Variants in BRD7 observed in about 807,000 individuals in gnomAD.
BRD7 encodes the protein bromodomain containing 7, also known as bromodomain-containing protein 7.
Under a neutral mutation model 82.1 loss-of-function variants are expected in BRD7, and 15 were observed. That is an observed-to-expected ratio of 0.18 (90% CI 0.12 to 0.28). BRD7 has a LOEUF of 0.28. Among genes scored for constraint, BRD7 ranks in the 10% least tolerant of loss-of-function variants. BRD7 has a pLI of 1.00. For missense variants in BRD7, 638 were observed against 779.9 expected, an observed-to-expected ratio of 0.82 and a Z score of 2.17; for synonymous variants, 232 against 266.9, an observed-to-expected ratio of 0.87 and a Z score of 1.27.
At position 50,356,001 on chromosome 16, in the gene BRD7, A is replaced by G. The variant is rs140647712; in HGVS notation, c.259-1079T>C. Among the ~76,000 whole-genome samples the G allele has an allele frequency of 8.8e-3, 1,345 of 152,300 alleles. 28 individuals are homozygous for G. Among genetic ancestry groups the G allele is most frequent in the African/African-American group, 0.031 (1,283 of 41,558 alleles). On this transcript the variant is annotated intron_variant, in intron 2 of 16. Coordinates refer to ENST00000394688, the MANE Select transcript of BRD7 (RefSeq NM_013263.5). The stretch of plus-strand genomic sequence containing the variant: ...GGCAAAAAATCCAAAAAAGAAATAG[A>G]TAAGTGATATCACAGGTAACTCACA...
chr16:50,339,868 C>T, intron 6 of BRD7, 108 bp downstream of exon 6: 1 of 488,198 alleles, frequency 2.0e-6, no homozygotes, highest in Non-Finnish European at 3.5e-6. Flanking sequence ...TATAATATAA[C>T]CTGCTAATAA....
At position 50,328,722 on chromosome 16, in the gene BRD7, G is replaced by A. The variant is rs569575592; in HGVS notation, c.1034C>T (p.Pro345Leu). The change falls in exon 9 of 17, where the codon CCA becomes CTA. Residue 345 changes from proline to leucine, a missense_variant. By Grantham distance (98) the Pro-to-Leu change is moderately conservative. Coordinates refer to ENST00000394688, the MANE Select transcript of BRD7 (RefSeq NM_013263.5). ...NSQCEFERRK[P>L]DGTTTLGLLH... ...AAGTCCCAACGTCGTTGTTCCATCTGGTTTTCTTCTTTCAAATTCGCACTG... is the reference window on the plus strand; with the variant it reads ...AAGTCCCAACGTCGTTGTTCCATCTAGTTTTCTTCTTTCAAATTCGCACTG... 2 of 1,613,836 alleles carry A rather than the reference G, an allele frequency of 1.2e-6. No homozygotes were observed. The highest frequency in any genetic ancestry group is 2.2e-5 in the South Asian group (2 of 91,030).
At chr16:50,368,458 G>A in intron 1 of BRD7, 160 bp from the exon 2 acceptor site, 2 of 875,146 alleles carry the variant, frequency 2.3e-6, no homozygotes, top group Non-Finnish European at 3.4e-6. Flanking sequence ...CCGGGGGTGC[G>A]GCGGCGCCGC....
intron 2 of BRD7, among the ~76,000 whole-genome samples, chr16:50,362,035 C>G (rs2038954312): frequency 6.6e-6 from 1 of 152,204 alleles, no homozygotes; most frequent in South Asian, 2.1e-4. Flanking sequence ...TCTTAGAATA[C>G]TTCTACTGAA....
At position 50,341,011 on chromosome 16, in the gene BRD7, G is replaced by C. The variant is rs934219141; in HGVS notation, c.592-925C>G. ...CACTTAAATAGAACAAAAATAAGTAGACTGAGTTCTATGTACAAGTACGTA... is the reference window on the plus strand; with the variant it reads ...CACTTAAATAGAACAAAAATAAGTACACTGAGTTCTATGTACAAGTACGTA... On this transcript the variant is annotated intron_variant, in intron 5 of 16. Coordinates refer to ENST00000394688, the MANE Select transcript of BRD7 (RefSeq NM_013263.5). 2.0e-5 allele frequency among the ~76,000 whole-genome samples: 3 copies of C among 152,222 alleles called. No homozygotes were observed. The East Asian group carries it at 5.8e-4, about 29-fold the overall frequency.
intron 4 of BRD7, among the ~76,000 whole-genome samples, chr16:50,351,761 A>G (rs1464425570): frequency 6.6e-6 from 1 of 152,152 alleles, no homozygotes; most frequent in East Asian, 1.9e-4. Flanking sequence ...GCACATATTT[A>G]GAGGGTACAG....
intron 8 of BRD7, 73 bp from the exon 9 acceptor site, chr16:50,328,817 T>C (rs1021207818): frequency 1.1e-5 from 15 of 1,374,708 alleles, no homozygotes; most frequent in Non-Finnish European, 1.5e-5. Flanking sequence ...TTATCCGAAA[T>C]GCTTGATACC....
At chr16:50,333,269 A>G (rs1337138663) in intron 8 of BRD7, among the ~76,000 whole-genome samples, 1 of 152,230 alleles carries the variant, frequency 6.6e-6, no homozygotes, top group East Asian at 1.9e-4. Flanking sequence ...AAATCCAGTA[A>G]AAGAGGGTAA....
intron 6 of BRD7, 50 bp from the exon 7 acceptor site, chr16:50,334,945 A>C: frequency 6.5e-7 from 1 of 1,546,886 alleles, no homozygotes; most frequent in Non-Finnish European, 8.8e-7. Flanking sequence ...TTAACTTTTA[A>C]AGTAATGCAT....
chr16:50,332,818 C>T (rs1334496535), intron 8 of BRD7, among the ~76,000 whole-genome samples: 1 of 152,160 alleles, frequency 6.6e-6, no homozygotes, highest in Non-Finnish European at 1.5e-5. Flanking sequence ...AGAATCAAAT[C>T]ATGTCCCCTG....
intron 6 of BRD7, among the ~76,000 whole-genome samples, chr16:50,335,776 C>G (rs1409006220): frequency 6.6e-6 from 1 of 152,240 alleles, no homozygotes; most frequent in East Asian, 1.9e-4. Context: ...AAACCAGCAA[C>G]TAAGACTAGG....
At chr16:50,324,697 A>G (rs1288443099) in intron 11 of BRD7, among the ~76,000 whole-genome samples, 2 of 152,150 alleles carry the variant, frequency 1.3e-5, no homozygotes, top group African/African-American at 4.8e-5. Flanking sequence ...TATCTGACCG[A>G]TTTAAAAGTG....
intron 2 of BRD7, among the ~76,000 whole-genome samples, chr16:50,361,421 C>T (rs2038931148): frequency 6.6e-6 from 1 of 152,162 alleles, no homozygotes; most frequent in South Asian, 2.1e-4. Context: ...AGTGGCCTAA[C>T]TTCTTTCAGC....
At chr16:50,349,088 A>C (rs1223883551) in intron 5 of BRD7, 2 of 156,068 alleles carry the variant, frequency 1.3e-5, no homozygotes, top group Non-Finnish European at 2.8e-5. Context: ...AAAAAGGATG[A>C]GTTCATGTCC....
chr16:50,334,123 A>C (rs1198571929), intron 7 of BRD7, among the ~76,000 whole-genome samples: 1 of 152,214 alleles, frequency 6.6e-6, no homozygotes, highest in Non-Finnish European at 1.5e-5. Context: ...CAAAAATCCC[A>C]AACTGCTAAC....
chr16:50,319,404 G>A (rs952969066), intron 16 of BRD7, 138 bp from the exon 17 acceptor site: 4 of 671,804 alleles, frequency 6.0e-6, no homozygotes, highest in South Asian at 2.0e-5. Flanking sequence ...AAGACTACGC[G>A]CATTATCAGG....
intron 2 of BRD7, among the ~76,000 whole-genome samples, chr16:50,363,827 G>C (rs1406838243): frequency 6.6e-6 from 1 of 152,134 alleles, no homozygotes; most frequent in Non-Finnish European, 1.5e-5. Context: ...AGGCTGAGGT[G>C]AAAGGATCAC....
At position 50,319,067 on chromosome 16, in the gene BRD7, G is replaced by A; in HGVS notation, c.*144C>T. ...GGTCCAGCTTTATTACCTAATACAA[G>A]TCCAACCTCTGGAACATCCAAATTC... is the stretch of plus-strand genomic sequence containing the variant. On this transcript the variant is annotated 3_prime_UTR_variant, in exon 17 of 17. Coordinates refer to ENST00000394688, the MANE Select transcript of BRD7 (RefSeq NM_013263.5). 1 of 783,282 alleles carries A rather than the reference G, an allele frequency of 1.3e-6. No homozygotes were observed. Among genetic ancestry groups the A allele is most frequent in the Non-Finnish European group, 2.0e-6 (1 of 492,460 alleles). The allele number at this position is 783,282 out of a possible 1,614,324, so 48.5% of individuals were successfully genotyped here.
intron 6 of BRD7, among the ~76,000 whole-genome samples, chr16:50,336,232 T>C (rs1008715443): frequency 1.3e-5 from 2 of 152,220 alleles, no homozygotes; most frequent in African/African-American, 4.8e-5. Context: ...GTTTCCACTA[T>C]TATAAATAAA....
Sources: gnomAD v4.1 joint callset for allele counts (sites outside exome capture counted in the v4.1 genomes callset) on GRCh38, gnomAD v4.1.1 for gene constraint, MANE v1.5 for transcripts, NCBI Gene and HGNC (gene_info 2026-07-23, HGNC 2026-07-21) for gene names.